RORA: variants seen among roughly 807,000 people sequenced by gnomAD.
The protein encoded by RORA is RAR related orphan receptor A, also known as nuclear receptor ROR-alpha.
A neutral mutation model predicts 69.5 loss-of-function variants in RORA; 7 were observed. That is an observed-to-expected ratio of 0.10 (90% confidence interval 0.06 to 0.19). The LOEUF (loss-of-function observed/expected upper bound fraction) is 0.19. RORA is among the 10% of genes least tolerant of loss of function. The pLI, the probability that RORA is intolerant of heterozygous loss-of-function variation, is 1.00. For missense variants in RORA, 457 were observed against 663.0 expected (o/e 0.69, Z 3.41); for synonymous variants, 261 against 240.8 (o/e 1.08, Z -0.78).
At position 60,946,692 on chromosome 15, in the gene RORA, C is replaced by T. The variant is rs372394908; in HGVS notation, c.167-268006G>A. On this transcript the variant is annotated intron_variant, in intron 1 of 10. Coordinates refer to ENST00000335670, the MANE Select transcript of RORA (RefSeq NM_134261.3). ...TGCAGCCTCTGCCCAGCCGCCACCC[C>T]GTCTGGGAAGTGAGGAGCGTCTCTG... is the stretch of plus-strand genomic sequence containing the variant. Among the ~76,000 whole-genome samples, 186 of 152,314 alleles carry T rather than the reference C, an allele frequency of 1.2e-3. 3 individuals carry two copies. The South Asian group carries it at 0.037, about 30-fold the overall frequency.
chr15:60,984,545 C>T (rs1229144125), intron 1 of RORA, among the ~76,000 whole-genome samples: 3 of 151,930 alleles, frequency 2.0e-5, no homozygotes, highest in Admixed American at 1.3e-4. Flanking sequence ...TGTCTACAAA[C>T]AATTTACACA....
chr15:60,515,993 A>ATATATTTATATATATT lies in RORA; in HGVS notation c.283-1237_283-1236insAATATATATAAATATA, dbSNP rs2065879747. ...TATATTTATATATTTATATATATTT[A>ATATATTTATATATATT]TATATATTTATATATATTTATATAT... On this transcript the variant is annotated intron_variant, in intron 3 of 10. Transcript: ENST00000335670. Among the ~76,000 whole-genome samples the ATATATTTATATATATT allele has an allele frequency of 4.8e-4, 3 of 6,202 alleles. 1 individual carries two copies. Among genetic ancestry groups the ATATATTTATATATATT allele is most frequent in the African/African-American group, 1.2e-3 (2 of 1,630 alleles). 4.1% of individuals were successfully genotyped at this position (6,202 alleles called of 152,430 possible).
At chr15:61,217,072 A>C (rs1437758623) in intron 1 of RORA, among the ~76,000 whole-genome samples, 1 of 152,214 alleles carries the variant, frequency 6.6e-6, no homozygotes, top group Non-Finnish European at 1.5e-5. Context: ...TGGAAATATA[A>C]GACAGCAGGA....
chr15:60,977,093 T>C (rs6494237), intron 1 of RORA, among the ~76,000 whole-genome samples: 34,588 of 146,014 alleles, frequency 0.24, 4,120 homozygotes, highest in African/African-American at 0.28. Context: ...CTCTACCAAG[T>C]TGTTTCAAAA....
intron 2 of RORA, among the ~76,000 whole-genome samples, chr15:60,599,444 G>T (rs1488120576): frequency 6.6e-6 from 1 of 152,172 alleles, no homozygotes; most frequent in East Asian, 1.9e-4. Context: ...TCAGCTACTT[G>T]GGAGGCTGAG....
intron 1 of RORA, among the ~76,000 whole-genome samples, chr15:61,150,983 G>C (rs190789174): frequency 1.3e-5 from 2 of 152,334 alleles, no homozygotes; most frequent in East Asian, 3.8e-4. Flanking sequence ...TACCAAGAAA[G>C]AGAATACAGG....
intron 2 of RORA, among the ~76,000 whole-genome samples, chr15:60,643,998 T>C (rs1227592153): frequency 6.6e-6 from 1 of 152,098 alleles, no homozygotes; most frequent in Non-Finnish European, 1.5e-5. Flanking sequence ...TGCATTTCTC[T>C]CACCTTCCCA....
Position 60,537,368 on chromosome 15 carries a change from G to T in RORA, c.197-5517C>A, listed in dbSNP as rs2066712522. On this transcript the variant is annotated intron_variant, in intron 2 of 10. Coordinates refer to ENST00000335670, the MANE Select transcript of RORA (RefSeq NM_134261.3). This position sits in a 1 kb window ranked among gnomAD's most constrained non-coding sequence, Gnocchi z 4.9. The stretch of plus-strand genomic sequence containing the variant: ...GCTGCAGAGTGACTGCAACAGCCTG[G>T]AGAGAGGAAACCTTTCTTCAATCTG... Among the ~76,000 whole-genome samples the T allele has an allele frequency of 6.6e-6, 1 of 152,182 alleles. No individual in the cohort carries two copies. Among genetic ancestry groups the T allele is most frequent in the East Asian group, 1.9e-4 (1 of 5,200 alleles).
At chr15:60,962,990 A>T (rs916017523) in intron 1 of RORA, among the ~76,000 whole-genome samples, 7 of 152,232 alleles carry the variant, frequency 4.6e-5, no homozygotes, top group African/African-American at 1.4e-4. Context: ...ATTACTTTCA[A>T]GGGAAATAGC....
chr15:61,154,332 C>G (rs1285069507), intron 1 of RORA, among the ~76,000 whole-genome samples: 1 of 152,152 alleles, frequency 6.6e-6, no homozygotes, highest in Non-Finnish European at 1.5e-5. Context: ...TTCCCTGAGA[C>G]CATCAGCGAA....
chr15:61,044,158 A>G (rs1896915485), intron 1 of RORA, among the ~76,000 whole-genome samples: 1 of 152,152 alleles, frequency 6.6e-6, no homozygotes, highest in Admixed American at 6.5e-5. Flanking sequence ...CTCTGCTAGG[A>G]AGAGACTGTG....
intron 3 of RORA, among the ~76,000 whole-genome samples, chr15:60,525,431 A>T (rs2066322195): frequency 6.6e-6 from 1 of 152,188 alleles, no homozygotes; most frequent in Non-Finnish European, 1.5e-5. Context: ...TGGTCTTTTG[A>T]CAATTTTCAC....
intron 2 of RORA, chr15:60,600,990 G>C (rs1346697073): frequency 6.6e-6 from 1 of 152,188 alleles, no homozygotes; most frequent in Non-Finnish European, 1.5e-5. Context: ...CTGGGGCACA[G>C]AGAAATTAAG....
intron 1 of RORA, among the ~76,000 whole-genome samples, chr15:60,953,780 A>C (rs1441339282): frequency 6.6e-6 from 1 of 151,938 alleles, no homozygotes; most frequent in Non-Finnish European, 1.5e-5. Flanking sequence ...ATCATTAAAA[A>C]GTCAGGAAAC....
At chr15:61,163,763 C>T (rs535259942) in intron 1 of RORA, among the ~76,000 whole-genome samples, 5 of 152,328 alleles carry the variant, frequency 3.3e-5, no homozygotes, top group African/African-American at 1.2e-4. Context: ...AACCATCACA[C>T]AGCTCGCACA....
In RORA at chr15:60,490,112, T is replaced by A. The variant is rs113281168; in HGVS notation, c.*7343A>T. 2.0e-5 allele frequency: 3 copies of A among 151,534 alleles called. No individual in the cohort carries two copies. Among genetic ancestry groups the A allele is most frequent in the African/African-American group, 7.3e-5 (3 of 41,320 alleles). The allele number at this position is 151,534 out of a possible 1,614,324, so 9.4% of individuals were successfully genotyped here. ...TTATGTATTTAAAGAGAAAAGCATGTCCCAAATCCAGCACTCTGATACAGC... is the reference window on the plus strand; with the variant it reads ...TTATGTATTTAAAGAGAAAAGCATGACCCAAATCCAGCACTCTGATACAGC... On this transcript the variant is annotated 3_prime_UTR_variant, in exon 11 of 11. Coordinates refer to ENST00000335670, the MANE Select transcript of RORA (RefSeq NM_134261.3). This position sits in a 1 kb window ranked among gnomAD's most constrained non-coding sequence, Gnocchi z 4.1.
chr15:60,628,662 T>C (rs1186297120), intron 2 of RORA, among the ~76,000 whole-genome samples: 2 of 152,238 alleles, frequency 1.3e-5, no homozygotes, highest in Non-Finnish European at 2.9e-5. Context: ...TTAATGTTTA[T>C]TGAACTGAAT....
intron 1 of RORA, among the ~76,000 whole-genome samples, chr15:60,736,484 G>T (rs534094254): frequency 6.6e-6 from 1 of 152,260 alleles, no homozygotes; most frequent in East Asian, 1.9e-4. Flanking sequence ...TTTTGGCCTT[G>T]TCCTCTCAGT....
At chr15:61,039,744 C>CAAAA (rs5813062) in intron 1 of RORA, among the ~76,000 whole-genome samples, 12 of 82,600 alleles carry the variant, frequency 1.5e-4, no homozygotes, top group Middle Eastern at 6.7e-3. Context: ...GACTCTGTCT[C>CAAAA]AAAAAAAAAA....
Sources: allele counts gnomAD v4.1 joint callset (sites outside exome capture counted in the v4.1 genomes callset), GRCh38; gene constraint gnomAD v4.1.1; non-coding constraint Gnocchi (gnomAD v3.1); transcripts MANE v1.5; gene names NCBI Gene and HGNC (gene_info 2026-07-23, HGNC 2026-07-21).